EYS: variants seen among roughly 807,000 people sequenced by gnomAD.
EYS encodes EGF-like photoreceptor maintenance factor, also known as protein eyes shut homolog.
Under a neutral mutation model 282.1 loss-of-function variants are expected in EYS, and 250 were observed. That is an observed-to-expected ratio of 0.89 (90% CI 0.80 to 0.98). The LOEUF (loss-of-function observed/expected upper bound fraction) is 0.98, where lower values mean the gene tolerates loss of function less well. Among genes scored for constraint, EYS ranks in the 50% least tolerant of loss-of-function variants. EYS has a pLI of 0.00. For missense variants in EYS, 4,016 were observed against 3,709.0 expected, an observed-to-expected ratio of 1.08 and a Z score of -2.15; for synonymous variants, 1,355 against 1,282.9, an observed-to-expected ratio of 1.06 and a Z score of -1.20.
At chr6:65,245,879 T>A (rs950514222) in intron 12 of EYS, among the ~76,000 whole-genome samples, 30 of 152,072 alleles carry the variant, frequency 2.0e-4, no homozygotes, top group African/African-American at 7.0e-4. Context: ...AGCTAAATAA[T>A]ATAGAATCTA....
intron 28 of EYS, among the ~76,000 whole-genome samples, chr6:64,425,910 T>C (rs940968325): frequency 6.6e-6 from 1 of 151,698 alleles, no homozygotes; most frequent in African/African-American, 2.4e-5. Flanking sequence ...AGAGAAGCGA[T>C]GTTAGGAGTA....
chr6:64,104,376 G>C (rs1301657610), intron 31 of EYS, among the ~76,000 whole-genome samples: 1 of 152,110 alleles, frequency 6.6e-6, no homozygotes, highest in Non-Finnish European at 1.5e-5. Context: ...GTGTGTGTGT[G>C]TGTTTGCTTA....
chr6:65,247,339 T>G (rs954977072), intron 12 of EYS, among the ~76,000 whole-genome samples: 1 of 152,086 alleles, frequency 6.6e-6, no homozygotes, highest in Non-Finnish European at 1.5e-5. Context: ...TCAATGTCAA[T>G]TTATTTGAGA....
chr6:64,336,554 C>T (rs1242155607), intron 29 of EYS, among the ~76,000 whole-genome samples: 3 of 152,050 alleles, frequency 2.0e-5, no homozygotes, highest in African/African-American at 7.2e-5. Flanking sequence ...ACTGACAGCC[C>T]TAGACAGGTC....
chr6:65,110,987 T>G (rs1775200117), intron 12 of EYS, among the ~76,000 whole-genome samples: 1 of 152,102 alleles, frequency 6.6e-6, no homozygotes, highest in African/African-American at 2.4e-5. Flanking sequence ...ACTGCCTCAA[T>G]GATAACAGGT....
At chr6:64,575,953 C>A (rs1400342132) in intron 26 of EYS, among the ~76,000 whole-genome samples, 1 of 151,654 alleles carries the variant, frequency 6.6e-6, no homozygotes, top group South Asian at 2.1e-4. Flanking sequence ...TAGTGGTAGC[C>A]CTATATTATA....
intron 15 of EYS, among the ~76,000 whole-genome samples, chr6:64,945,113 T>C (rs1403731218): frequency 3.4e-5 from 5 of 148,086 alleles, no homozygotes; most frequent in Admixed American, 1.4e-4. Context: ...GGCCCACTGT[T>C]GTTTCTCTAT....
At chr6:65,600,095 C>G (rs1248468368) in intron 2 of EYS, among the ~76,000 whole-genome samples, 3 of 152,036 alleles carry the variant, frequency 2.0e-5, no homozygotes, top group Non-Finnish European at 4.4e-5. Context: ...CTTATGAGCT[C>G]TCACTATAAT....
chr6:64,235,984 T>A (rs1055400945), intron 30 of EYS, among the ~76,000 whole-genome samples: 2 of 152,150 alleles, frequency 1.3e-5, no homozygotes, highest in Non-Finnish European at 2.9e-5. Flanking sequence ...GAGGCCAGCA[T>A]CATCCTGATA....
chr6:64,078,399 C>T (rs573016334), intron 32 of EYS, among the ~76,000 whole-genome samples: 1 of 151,916 alleles, frequency 6.6e-6, no homozygotes, highest in South Asian at 2.1e-4. Flanking sequence ...AGGGACACAC[C>T]TTTTAAATTA....
intron 22 of EYS, among the ~76,000 whole-genome samples, chr6:64,698,529 T>C (rs1040234036): frequency 2.0e-5 from 3 of 152,078 alleles, no homozygotes; most frequent in Non-Finnish European, 4.4e-5. Flanking sequence ...GCAGAAATTA[T>C]AAATGGAGTA....
chr6:65,549,778 T>A lies in EYS; in HGVS notation c.-332-53785A>T, dbSNP rs139032003. ...CCTGACTTTCTCCTCAGGAAGAATT[T>A]TTCTGACAGCTTCTCCCAGTCAACC... On this transcript the variant is annotated intron_variant, in intron 2 of 42. Transcript: ENST00000503581. Among the ~76,000 whole-genome samples, 472 of 152,350 alleles carry A rather than the reference T, an allele frequency of 3.1e-3. 5 individuals carry two copies. The highest frequency in any genetic ancestry group is 0.01 in the African/African-American group (425 of 41,582).
intron 22 of EYS, chr6:64,631,741 T>C (rs1767790486): frequency 6.6e-6 from 1 of 152,076 alleles, no homozygotes. Flanking sequence ...TATTTGTTTA[T>C]TAACAAATGT....
intron 22 of EYS, among the ~76,000 whole-genome samples, chr6:64,647,492 T>G (rs1768397029): frequency 6.6e-6 from 1 of 152,152 alleles, no homozygotes; most frequent in Non-Finnish European, 1.5e-5. Flanking sequence ...CTTTATAAAC[T>G]ATTAAATAAA....
chr6:65,485,256 C>T (rs1765747159), intron 5 of EYS, among the ~76,000 whole-genome samples: 2 of 152,168 alleles, frequency 1.3e-5, no homozygotes, highest in African/African-American at 4.8e-5. Context: ...ATTAATTGAG[C>T]AATCATCAGC....
At chr6:65,182,723 C>T (rs1281926951) in intron 12 of EYS, among the ~76,000 whole-genome samples, 1 of 151,714 alleles carries the variant, frequency 6.6e-6, no homozygotes, top group African/African-American at 2.4e-5. Flanking sequence ...CTGTTTACTT[C>T]TTTTATACTT....
intron 2 of EYS, among the ~76,000 whole-genome samples, chr6:65,515,037 C>T (rs1210006574): frequency 6.6e-6 from 1 of 152,162 alleles, no homozygotes; most frequent in Non-Finnish European, 1.5e-5. Flanking sequence ...TCACAACCTA[C>T]TTATCTGACA....
At chr6:64,264,987 C>A (rs1562278553) in intron 30 of EYS, among the ~76,000 whole-genome samples, 1 of 152,204 alleles carries the variant, frequency 6.6e-6, no homozygotes, top group Admixed American at 6.6e-5. Context: ...ATATTTTACA[C>A]CCAATCTGTC....
At chr6:64,373,395 AGGCAGG>A (rs1772454153) in intron 29 of EYS, among the ~76,000 whole-genome samples, 1 of 152,142 alleles carries the variant, frequency 6.6e-6, no homozygotes, top group Non-Finnish European at 1.5e-5. Flanking sequence ...AGGATCCTTC[AGGCAGG>A]GGCTGCTGTT....
Sources: gnomAD v4.1 joint callset for allele counts (sites outside exome capture counted in the v4.1 genomes callset) on GRCh38, gnomAD v4.1.1 for gene constraint, MANE v1.5 for transcripts, NCBI Gene and HGNC (gene_info 2026-07-23, HGNC 2026-07-21) for gene names.